The following PPP4R3A variants were observed in gnomAD, a reference collection of about 807,000 sequenced individuals.
The protein encoded by PPP4R3A is serine/threonine-protein phosphatase 4 regulatory subunit 3A.
PPP4R3A carries 15 observed loss-of-function variants against 91.7 expected under a neutral mutation model. The ratio of observed to expected loss-of-function variants is 0.16; its 90% confidence interval spans 0.11 to 0.25. The LOEUF (loss-of-function observed/expected upper bound fraction) is 0.25. Among genes scored for constraint, PPP4R3A ranks in the 10% least tolerant of loss-of-function variants. PPP4R3A has a pLI of 1.00. For synonymous variants in PPP4R3A, 377 were observed against 348.7 expected (o/e 1.08, Z -0.91); for missense variants, 623 against 998.4 (o/e 0.62, Z 5.07).
At chr14:91,464,259 C>T (rs1013519243) in intron 11 of PPP4R3A, among the ~76,000 whole-genome samples, 27 of 151,928 alleles carry the variant, frequency 1.8e-4, no homozygotes, top group Non-Finnish European at 3.4e-4. Flanking sequence ...AGGTGGAAGG[C>T]GCAGTGAGTC....
intron 4 of PPP4R3A, among the ~76,000 whole-genome samples, chr14:91,480,885 A>T (rs901001235): frequency 2.0e-5 from 3 of 152,106 alleles, no homozygotes; most frequent in Non-Finnish European, 4.4e-5. Context: ...AAAAATTTTT[A>T]AAAGGTGGCT....
In PPP4R3A at chr14:91,481,861, A is replaced by G. The variant is rs765276156; in HGVS notation, c.630T>C (p.Val210=). Residue 210 remains valine, a synonymous_variant, in exon 4 of 15, where the codon GTT becomes GTC. Coordinates refer to ENST00000554943, the MANE Select transcript of PPP4R3A (RefSeq NM_001366432.2). ...CCATTATACATTCTTCAGAGAACAT[A>G]ACTTCAAAAAGAGCAGTTCGATTCA... is the stretch of plus-strand genomic sequence containing the variant. ...FLLNRTALFE[V]MFSEECIMDV... 187 of 1,614,088 alleles carry G rather than the reference A, an allele frequency of 1.2e-4. No homozygotes were observed. The highest frequency in any genetic ancestry group is 1.5e-4 in the Non-Finnish European group (181 of 1,180,048).
At chr14:91,499,944 C>T (rs1046930946) in intron 1 of PPP4R3A, among the ~76,000 whole-genome samples, 14 of 151,974 alleles carry the variant, frequency 9.2e-5, no homozygotes, top group Non-Finnish European at 1.8e-4. Flanking sequence ...CACAACACTA[C>T]ACCTCTGGGG....
At chr14:91,479,604 T>G (rs1482936978) in intron 4 of PPP4R3A, among the ~76,000 whole-genome samples, 1 of 152,076 alleles carries the variant, frequency 6.6e-6, no homozygotes, top group Non-Finnish European at 1.5e-5. Flanking sequence ...AGTGCAATGG[T>G]GTGATCTCAG....
intron 1 of PPP4R3A, among the ~76,000 whole-genome samples, chr14:91,491,903 G>A (rs551234077): frequency 6.6e-6 from 1 of 150,950 alleles, no homozygotes; most frequent in African/African-American, 2.4e-5. Context: ...TACAGACGGG[G>A]TCTCCCTTTA....
At chr14:91,493,939 T>G (rs1890385662) in intron 1 of PPP4R3A, among the ~76,000 whole-genome samples, 1 of 150,320 alleles carries the variant, frequency 6.7e-6, no homozygotes, top group Admixed American at 6.6e-5. Context: ...TAATTTTGTA[T>G]TTTTAGTAGA....
In PPP4R3A at chr14:91,459,007, CTTCAA is replaced by C. The variant is rs1159661219; in HGVS notation, c.2392-143_2392-139del. 1.9e-5 allele frequency: 18 copies of C among 930,248 alleles called. No homozygotes were observed. In the African/African-American group the frequency reaches 2.0e-4, roughly 10 times the overall value. The allele number at this position is 930,248 out of a possible 1,614,324, so 57.6% of individuals were successfully genotyped here. ...TTCTGGGTGGTGGGACTGTGTTAAACTTCAATTCATTATGTTTACATATTTTCTAA... is the reference window on the plus strand; with the variant it reads ...TTCTGGGTGGTGGGACTGTGTTAAACTTCATTATGTTTACATATTTTCTAA... On this transcript the variant is annotated intron_variant, in intron 14 of 14. Coordinates refer to ENST00000554943, the MANE Select transcript of PPP4R3A (RefSeq NM_001366432.2).
At chr14:91,482,444 T>G (rs558163572) in intron 3 of PPP4R3A, among the ~76,000 whole-genome samples, 2 of 152,146 alleles carry the variant, frequency 1.3e-5, no homozygotes, top group Non-Finnish European at 2.9e-5. Flanking sequence ...AACAACTTTC[T>G]AGGACAGGCT....
At chr14:91,474,685 C>A (rs1889073595) in intron 7 of PPP4R3A, 1 of 150,784 alleles carries the variant, frequency 6.6e-6, no homozygotes, top group Non-Finnish European at 1.5e-5. Flanking sequence ...TGCAGTGGAG[C>A]AATCATAGCT....
At chr14:91,488,907 CTTTT>C (rs10691130) in intron 2 of PPP4R3A, among the ~76,000 whole-genome samples, 1 of 122,864 alleles carries the variant, frequency 8.1e-6, no homozygotes, top group Non-Finnish European at 1.6e-5. Flanking sequence ...ATAGATACCA[CTTTT>C]TTTTTTTTTT....
intron 2 of PPP4R3A, among the ~76,000 whole-genome samples, chr14:91,486,905 CAAAAA>C (rs769201002): frequency 1.2e-5 from 1 of 86,904 alleles, no homozygotes; most frequent in Non-Finnish European, 2.2e-5. Flanking sequence ...ACTCTGTCTC[CAAAAA>C]AAAAAAAAAA....
intron 1 of PPP4R3A, among the ~76,000 whole-genome samples, chr14:91,503,841 A>C (rs889745624): frequency 2.6e-5 from 4 of 152,228 alleles, no homozygotes; most frequent in Admixed American, 2.6e-4. Flanking sequence ...CATACACTGA[A>C]AGAATTAAAA....
At chr14:91,506,563 T>A (rs73327654) in intron 1 of PPP4R3A, among the ~76,000 whole-genome samples, 1,547 of 152,220 alleles carry the variant, frequency 0.01, 22 homozygotes, top group African/African-American at 0.036. Flanking sequence ...TGTGTGTGTA[T>A]GTGTGTTTGT....
chr14:91,509,690 C>T lies in PPP4R3A; in HGVS notation c.-43G>A, dbSNP rs758157822. ...GGGGCGGGGGCCCCGCCAGTAGACG[C>T]CCAGGAAAGGGGCCCTGGAGAGGCG... is the stretch of plus-strand genomic sequence containing the variant. On this transcript the variant is annotated 5_prime_UTR_variant, in exon 1 of 15. Coordinates refer to ENST00000554943, the MANE Select transcript of PPP4R3A (RefSeq NM_001366432.2). 4 of 1,580,496 alleles carry T rather than the reference C, an allele frequency of 2.5e-6. No individual in the cohort carries two copies. The African/African-American group carries it at 4.1e-5, about 16-fold the overall frequency.
At position 91,509,775 on chromosome 14, in the gene PPP4R3A, G is replaced by A. The variant is rs977972213; in HGVS notation, c.-128C>T. On this transcript the variant is annotated 5_prime_UTR_variant, in exon 1 of 15. An upstream open reading frame in the 5' UTR gains an earlier in-frame stop. Coordinates refer to ENST00000554943, the MANE Select transcript of PPP4R3A (RefSeq NM_001366432.2). ...GCTCCCCGGCCTCACTGCCGCCGCT[G>A]GGCGCCGCGGGGCCGCGCCGCCGCC... The A allele has an allele frequency of 9.9e-5, 125 of 1,266,102 alleles. No individual in the cohort carries two copies. The highest frequency in any genetic ancestry group is 1.1e-4 in the Non-Finnish European group (115 of 1,010,748). The allele number at this position is 1,266,102 out of a possible 1,614,324, so 78.4% of individuals were successfully genotyped here.
chr14:91,458,399 G>A lies in PPP4R3A; in HGVS notation c.*360C>T, dbSNP rs980174112. 3.5e-6 allele frequency: 1 copy of A among 288,338 alleles called. No individual in the cohort carries two copies. The highest frequency in any genetic ancestry group is 6.7e-6 in the Non-Finnish European group (1 of 148,292). 17.9% of individuals were successfully genotyped at this position (288,338 alleles called of 1,614,324 possible). A position where few individuals can be genotyped will look rare whatever the true frequency, so the allele number is the denominator to read the frequency against. On this transcript the variant is annotated 3_prime_UTR_variant, in exon 15 of 15. Transcript: ENST00000554943. ...TTATGGCAGAAAGGCCCATTCTTCT[G>A]AGTCTCAAACATGGTCCAAGAAAGC...
intron 2 of PPP4R3A, among the ~76,000 whole-genome samples, chr14:91,488,125 G>A (rs1034605181): frequency 2.0e-5 from 3 of 151,844 alleles, no homozygotes; most frequent in Middle Eastern, 3.2e-3. Context: ...GGAGTTGGAC[G>A]CTGCAGTGCA....
At position 91,471,006 on chromosome 14, in the gene PPP4R3A, C is replaced by A; in HGVS notation, c.1502-11G>T. 1 of 1,570,590 alleles carries A rather than the reference C, an allele frequency of 6.4e-7. No homozygotes were observed. The highest frequency in any genetic ancestry group is 2.3e-5 in the East Asian group (1 of 44,100). On this transcript the variant is annotated splice_polypyrimidine_tract_variant and intron_variant, in intron 9 of 14. Transcript: ENST00000554943. The stretch of plus-strand genomic sequence containing the variant: ...CAGTCTGAAAATCATCTAAAAGAAA[C>A]AAAACACAACTAATTATATTTAATG...
chr14:91,462,649 C>T, intron 12 of PPP4R3A, 86 bp downstream of exon 12: 4 of 1,494,058 alleles, frequency 2.7e-6, no homozygotes, highest in Non-Finnish European at 3.7e-6. Context: ...TGTTCCTTGT[C>T]AAGCCAAATA....
Sources: allele counts gnomAD v4.1 joint callset (sites outside exome capture counted in the v4.1 genomes callset), GRCh38; gene constraint gnomAD v4.1.1; transcripts MANE v1.5; gene names NCBI Gene and HGNC (gene_info 2026-07-23, HGNC 2026-07-21).